CHD4: variants seen among roughly 807,000 people sequenced by gnomAD.
CHD4 encodes the protein ATP-dependent chromatin remodeler CHD4.
Under a neutral mutation model 235.5 loss-of-function variants are expected in CHD4, and 35 were observed. The observed-to-expected ratio is 0.15, with a 90% CI of 0.11 to 0.20. CHD4 has a LOEUF of 0.20. Ranked by LOEUF, CHD4 falls within the 10% of genes least tolerant of loss-of-function variation. The pLI is 1.00. For synonymous variants in CHD4, 900 were observed against 850.2 expected (o/e 1.06, Z -1.02); for missense variants, 1,329 against 2,432.3 (o/e 0.55, Z 9.54).
In CHD4 at chr12:6,595,476, A is replaced by G. The variant is rs749652793; in HGVS notation, c.2025-46T>C. 1.0e-5 allele frequency: 16 copies of G among 1,559,224 alleles called. No homozygotes were observed. In the Admixed American group the frequency reaches 1.7e-4, roughly 16 times the overall value. On this transcript the variant is annotated intron_variant, in intron 13 of 39. Transcript: ENST00000544040. ...ACAGCTGCCCAAAATCCTTTTCTAT[A>G]GAAGAAACAACTTGGCCAGGCACAG...
intron 37 of CHD4, among the ~76,000 whole-genome samples, chr12:6,577,417 C>CAAAAAAAAAAAAAAAAAAAAAAA (rs60910415): frequency 1.1e-5 from 1 of 87,308 alleles, no homozygotes; most frequent in Non-Finnish European, 2.4e-5. Context: ...GATTCTGCCT[C>CAAAAAAAAAAAAAAAAAAAAAAA]AAAAAAAAAA....
chr12:6,596,372 G>A (rs1002888927), intron 12 of CHD4, among the ~76,000 whole-genome samples: 11 of 152,124 alleles, frequency 7.2e-5, no homozygotes, highest in African/African-American at 2.4e-4. Flanking sequence ...AGTGTTGGCC[G>A]GGTGCAGTGG....
At position 6,581,025 on chromosome 12, in the gene CHD4, A is replaced by G; in HGVS notation, c.4909+19T>C. On this transcript the variant is annotated intron_variant, in intron 33 of 39. Transcript: ENST00000544040. The stretch of plus-strand genomic sequence containing the variant: ...TCTCAAAACAAACAAACAAACAAAA[A>G]AAATGTGGATACCTTTACCTTTGGG... 6.2e-7 allele frequency: 1 copy of G among 1,612,198 alleles called. No homozygotes were observed.
Position 6,593,293 on chromosome 12 carries a change from G to A in CHD4, c.2515-65C>T. ...TCTGTGTAAGCACAACCAGGAGACT[G>A]ATGGAATGTTTTCCTCCTCCCAGGG... is the stretch of plus-strand genomic sequence containing the variant. On this transcript the variant is annotated intron_variant, in intron 16 of 39. Transcript: ENST00000544040. This position sits in a 1 kb window ranked among gnomAD's most constrained non-coding sequence, Gnocchi z 4.9. The A allele has an allele frequency of 1.9e-6, 3 of 1,606,924 alleles. No homozygotes were observed. The highest frequency in any genetic ancestry group is 1.7e-6 in the Non-Finnish European group (2 of 1,174,316).
At chr12:6,585,917 G>A (rs989785332) in intron 25 of CHD4, among the ~76,000 whole-genome samples, 2 of 151,856 alleles carry the variant, frequency 1.3e-5, no homozygotes, top group African/African-American at 4.8e-5. Context: ...GGCCAACATG[G>A]TGAAACCCCG....
At chr12:6,572,427 GA>G (rs553252360) in intron 38 of CHD4, among the ~76,000 whole-genome samples, 202 of 97,608 alleles carry the variant, frequency 2.1e-3, no homozygotes, top group African/African-American at 3.8e-3. Flanking sequence ...CTCTATCTCA[GA>G]AAAAAAAAAA....
chr12:6,605,367 A>G (rs1020801895), intron 2 of CHD4, among the ~76,000 whole-genome samples: 5 of 152,226 alleles, frequency 3.3e-5, no homozygotes, highest in Non-Finnish European at 5.9e-5. Context: ...AGGACACAGA[A>G]GAGAAAGACA....
At chr12:6,600,053 C>T (rs944906897) in intron 9 of CHD4, 41 bp from the exon 10 acceptor site, 12 of 1,602,904 alleles carry the variant, frequency 7.5e-6, no homozygotes, top group African/African-American at 6.7e-5. Flanking sequence ...TACCCCCACC[C>T]GCCCACCGCA....
At chr12:6,589,376 C>T (rs1041222557) in intron 22 of CHD4, among the ~76,000 whole-genome samples, 3 of 152,186 alleles carry the variant, frequency 2.0e-5, no homozygotes, top group African/African-American at 7.2e-5. Flanking sequence ...CTTTACACTG[C>T]AGAAACTCAG....
Position 6,593,939 on chromosome 12 carries a change from G to A in CHD4, c.2314-323C>T, listed in dbSNP as rs574647733. Among the ~76,000 whole-genome samples, 127 of 152,218 alleles carry A rather than the reference G, an allele frequency of 8.3e-4. No individual in the cohort carries two copies. Among genetic ancestry groups the A allele is most frequent in the Non-Finnish European group, 1.2e-3 (84 of 68,002 alleles). ...CAACCTCCACCTCCCGGGTTCAAGC[G>A]ATTCTCCTGCCTCAGCCTCCCAAGT... On this transcript the variant is annotated intron_variant, in intron 15 of 39. Transcript: ENST00000544040. This position sits in a 1 kb window ranked among gnomAD's most constrained non-coding sequence, Gnocchi z 4.9.
intron 2 of CHD4, among the ~76,000 whole-genome samples, chr12:6,604,226 G>A (rs1948650028): frequency 1.3e-5 from 2 of 152,118 alleles, no homozygotes; most frequent in South Asian, 4.1e-4. Flanking sequence ...AGTGAGCCAA[G>A]ATCGCACACT....
Position 6,593,379 on chromosome 12 carries a change from A to G in CHD4, c.2514+37T>C. ...GAGGTAAACTAAGCCAGAAGCCACAACTCTTTCTCTAGGGTGGCTTCCCTC... is the reference window on the plus strand; with the variant it reads ...GAGGTAAACTAAGCCAGAAGCCACAGCTCTTTCTCTAGGGTGGCTTCCCTC... On this transcript the variant is annotated intron_variant, in intron 16 of 39. Coordinates refer to ENST00000544040, the MANE Select transcript of CHD4 (RefSeq NM_001273.5). This position sits in a 1 kb window ranked among gnomAD's most constrained non-coding sequence, Gnocchi z 4.9. The G allele has an allele frequency of 1.2e-6, 2 of 1,608,020 alleles. No individual in the cohort carries two copies. Among genetic ancestry groups the G allele is most frequent in the Non-Finnish European group, 1.7e-6 (2 of 1,175,250 alleles).
chr12:6,607,245 C>A (rs1250052499), intron 1 of CHD4, 55 bp downstream of exon 1: 8 of 151,944 alleles, frequency 5.3e-5, no homozygotes, highest in Non-Finnish European at 2.9e-5. Flanking sequence ...GGATGACCCT[C>A]GGGGCTGGTA....
rs372219150 is a variant in CHD4, at chr12:6,582,626, C to G, written c.4359G>C (p.Glu1453Asp). ...WLVRDLRGKS[E>D]KEFKAYVSLF... Reference sequence around the variant, plus strand: ...AGCCCTCAACTCACTTGAACTCTTTCTCTGATTTGCCTCGCAGGTCTCTTA... The same window carrying G: ...AGCCCTCAACTCACTTGAACTCTTTGTCTGATTTGCCTCGCAGGTCTCTTA... Residue 1453 changes from glutamate to aspartate, a missense_variant, in exon 29 of 40, where the codon GAG becomes GAC. Physicochemically the swap from Glu to Asp is conservative, Grantham distance 45. This residue lies in a region of CHD4 where 48 missense variants were observed against 109.6 expected (regional missense o/e 0.44). Transcript: ENST00000544040. 11 of 1,612,110 alleles carry G rather than the reference C, an allele frequency of 6.8e-6. No homozygotes were observed. Among genetic ancestry groups the G allele is most frequent in the African/African-American group, 1.3e-5 (1 of 74,940 alleles).
chr12:6,572,911 T>C (rs1369532766), intron 38 of CHD4, 163 bp downstream of exon 38: 1 of 636,908 alleles, frequency 1.6e-6, no homozygotes, highest in East Asian at 3.2e-5. Context: ...CTGTCCTTGA[T>C]TGCCTCTAAG....
At chr12:6,580,571 G>T (rs1192005512) in intron 33 of CHD4, 1 of 155,422 alleles carries the variant, frequency 6.4e-6, no homozygotes, top group African/African-American at 2.4e-5. Flanking sequence ...GCTGAGCATG[G>T]TGGTACATGC....
In CHD4 at chr12:6,578,011, G is replaced by A. The variant is rs1004114458; in HGVS notation, c.5228+18C>T. On this transcript the variant is annotated intron_variant, in intron 36 of 39. Coordinates refer to ENST00000544040, the MANE Select transcript of CHD4 (RefSeq NM_001273.5). ...ACCTTTCACCAAAAGCCTCAGTACA[G>A]ATTCAGGCAAAGGATACTTTATAAT... The A allele has an allele frequency of 6.2e-7, 1 of 1,611,694 alleles. No individual in the cohort carries two copies.
At position 6,600,415 on chromosome 12, in the gene CHD4, A is replaced by G; in HGVS notation, c.1064-20T>C. On this transcript the variant is annotated intron_variant, in intron 8 of 39. Transcript: ENST00000544040. ...CCTCGCCTGGGCAAGGAAGAGGGAAAGCCCAGTTATTGGAAAAAAACTACC... is the reference window on the plus strand; with the variant it reads ...CCTCGCCTGGGCAAGGAAGAGGGAAGGCCCAGTTATTGGAAAAAAACTACC... The G allele has an allele frequency of 6.2e-7, 1 of 1,612,802 alleles. No homozygotes were observed. The highest frequency in any genetic ancestry group is 8.5e-7 in the Non-Finnish European group (1 of 1,179,036).
chr12:6,598,149 T>C, intron 11 of CHD4, 50 bp from the exon 12 acceptor site: 1 of 1,612,288 alleles, frequency 6.2e-7, no homozygotes, highest in Non-Finnish European at 8.5e-7. Flanking sequence ...GTTCATTCCT[T>C]CTATCCACAA....
Sources: gnomAD v4.1 joint callset for allele counts (sites outside exome capture counted in the v4.1 genomes callset) on GRCh38, gnomAD v4.1.1 for gene constraint, gnomAD v4.1.1 regional missense constraint, Gnocchi (gnomAD v3.1) non-coding constraint, MANE v1.5 for transcripts, NCBI Gene and HGNC (gene_info 2026-07-23, HGNC 2026-07-21) for gene names.